Variants in MAP3K9 observed in about 807,000 individuals in gnomAD.
MAP3K9 encodes the protein mitogen-activated protein kinase kinase kinase 9.
Under a neutral mutation model 95.8 loss-of-function variants are expected in MAP3K9, and 46 were observed. The observed-to-expected ratio is 0.48, with a 90% confidence interval of 0.38 to 0.61. The LOEUF (loss-of-function observed/expected upper bound fraction) is 0.61, where lower values mean the gene tolerates loss of function less well. MAP3K9 is among the 20% of genes least tolerant of loss of function. The pLI is 0.00. For missense variants in MAP3K9, 1,296 were observed against 1,474.3 expected (o/e 0.88, Z 1.98); for synonymous variants, 533 against 593.8 (o/e 0.90, Z 1.49).
chr14:70,744,200 G>T (rs549022050), intron 5 of MAP3K9, among the ~76,000 whole-genome samples: 3 of 152,044 alleles, frequency 2.0e-5, no homozygotes, highest in Admixed American at 6.5e-5. Flanking sequence ...CTGTGGGAGT[G>T]GGGGGCTAGG....
intron 2 of MAP3K9, among the ~76,000 whole-genome samples, chr14:70,783,811 G>A (rs1018324353): frequency 6.6e-6 from 1 of 151,896 alleles, no homozygotes; most frequent in Non-Finnish European, 1.5e-5. Context: ...TCACCTCCCA[G>A]ACTACACAGA....
At chr14:70,799,597 C>A (rs1182032323) in intron 2 of MAP3K9, among the ~76,000 whole-genome samples, 2 of 152,196 alleles carry the variant, frequency 1.3e-5, no homozygotes, top group Admixed American at 6.5e-5. Context: ...CCTTGGCCTC[C>A]CAAAGTGCTG....
chr14:70,731,935 G>C (rs1250114810), intron 11 of MAP3K9, among the ~76,000 whole-genome samples: 1 of 152,010 alleles, frequency 6.6e-6, no homozygotes, highest in Non-Finnish European at 1.5e-5. Flanking sequence ...GAAAGAGTGT[G>C]TGTCCCCAGG....
intron 2 of MAP3K9, among the ~76,000 whole-genome samples, chr14:70,787,031 G>C (rs984621959): frequency 6.6e-6 from 1 of 152,106 alleles, no homozygotes; most frequent in Admixed American, 6.5e-5. Flanking sequence ...AGCAGGAGGA[G>C]ATGAGGTATA....
rs1389834144 is a variant in MAP3K9, at chr14:70,800,882, T to C, written c.605A>G (p.Asn202Ser). Residue 202 changes from asparagine (N) to serine (S), a missense_variant, in exon 2 of 12, where the codon AAC (asparagine) becomes AGC (serine). By Grantham distance (46) the Asn-to-Ser change is conservative (BLOSUM62 1). Around this residue, in one of 5 missense-constraint regions of MAP3K9, gnomAD observed 338 missense variants for 363.4 expected, o/e 0.93. Coordinates refer to ENST00000554752, the MANE Select transcript of MAP3K9 (RefSeq NM_001284230.2). ...AKLFAMLKHP[N>S]IIALRGVCLK... ...ACATACCCCTCTTAGGGCAATGATG[T>C]TGGGGTGCTTCAGCATGGCGAAGAG... 1.5e-5 allele frequency: 24 copies of C among 1,614,048 alleles called. No individual in the cohort carries two copies. Among genetic ancestry groups the C allele is most frequent in the Non-Finnish European group, 2.0e-5 (24 of 1,180,038 alleles).
chr14:70,737,076 G>A (rs546858428), intron 8 of MAP3K9, among the ~76,000 whole-genome samples: 20 of 152,266 alleles, frequency 1.3e-4, no homozygotes, highest in Admixed American at 9.2e-4. Context: ...AAAAAATGTG[G>A]AAGGAGACTG....
chr14:70,757,573 T>C (rs374896505), intron 3 of MAP3K9, among the ~76,000 whole-genome samples: 20 of 152,124 alleles, frequency 1.3e-4, no homozygotes, highest in African/African-American at 4.6e-4. Context: ...TAAGATTCAT[T>C]AAATGCAAAG....
chr14:70,763,925 C>G (rs963381623), intron 2 of MAP3K9, among the ~76,000 whole-genome samples: 1 of 151,778 alleles, frequency 6.6e-6, no homozygotes, highest in Non-Finnish European at 1.5e-5. Flanking sequence ...GTGGCTCACG[C>G]CTGTAATCCC....
intron 2 of MAP3K9, among the ~76,000 whole-genome samples, chr14:70,771,546 A>G (rs964082455): frequency 6.6e-6 from 1 of 152,106 alleles, no homozygotes; most frequent in Non-Finnish European, 1.5e-5. Context: ...GAAAGAAAAA[A>G]GCAACAGATG....
chr14:70,765,041 T>C lies in MAP3K9; in HGVS notation c.821-3859A>G, dbSNP rs534632624. Among the ~76,000 whole-genome samples the C allele has an allele frequency of 1.5e-4, 22 of 151,502 alleles. No individual in the cohort carries two copies. The South Asian group carries it at 1.5e-3, about 10-fold the overall frequency. ...TTAATTTATTATTGAAGAAAGAAAATTTTTCAGCTGGGCGCCATGGCTCAG... is the reference window on the plus strand; with the variant it reads ...TTAATTTATTATTGAAGAAAGAAAACTTTTCAGCTGGGCGCCATGGCTCAG... On this transcript the variant is annotated intron_variant, in intron 2 of 11. Coordinates refer to ENST00000554752, the MANE Select transcript of MAP3K9 (RefSeq NM_001284230.2).
chr14:70,757,834 T>A (rs533272305), intron 3 of MAP3K9, among the ~76,000 whole-genome samples: 8 of 152,254 alleles, frequency 5.3e-5, no homozygotes, highest in African/African-American at 1.9e-4. Flanking sequence ...GGGGCCAGGA[T>A]AACTGAATAG....
At position 70,779,115 on chromosome 14, in the gene MAP3K9, C is replaced by T. The variant is rs117583084; in HGVS notation, c.821-17933G>A. Among the ~76,000 whole-genome samples the T allele has an allele frequency of 2.3e-4, 35 of 152,328 alleles. No individual in the cohort carries two copies. The East Asian group carries it at 6.4e-3, about 28-fold the overall frequency. On this transcript the variant is annotated intron_variant, in intron 2 of 11. Coordinates refer to ENST00000554752, the MANE Select transcript of MAP3K9 (RefSeq NM_001284230.2). ...CCTTGACATATCTAAGAAATAGTCCCTTGTAGCTGGAGCAGAACTTTCATG... is the reference window on the plus strand; with the variant it reads ...CCTTGACATATCTAAGAAATAGTCCTTTGTAGCTGGAGCAGAACTTTCATG...
intron 2 of MAP3K9, among the ~76,000 whole-genome samples, chr14:70,768,590 T>G (rs1445790274): frequency 1.3e-5 from 2 of 152,164 alleles, no homozygotes; most frequent in African/African-American, 4.8e-5. Flanking sequence ...GATTCAATGT[T>G]GCTTAATGCA....
At position 70,740,569 on chromosome 14, in the gene MAP3K9, A is replaced by G. The variant is rs535179035; in HGVS notation, c.1568-405T>C. Among the ~76,000 whole-genome samples, 14 of 152,360 alleles carry G rather than the reference A, an allele frequency of 9.2e-5. No individual in the cohort carries two copies. In the East Asian group the frequency reaches 2.7e-3, roughly 29 times the overall value. On this transcript the variant is annotated intron_variant, in intron 6 of 11. Transcript: ENST00000554752. Reference sequence around the variant, plus strand: ...GTCCTCTTTTCTCAGGGACTGAAGCAGGGACACTGATTCTTCTCACTAAGT... The same window carrying G: ...GTCCTCTTTTCTCAGGGACTGAAGCGGGGACACTGATTCTTCTCACTAAGT...
At chr14:70,790,333 C>T (rs1393573372) in intron 2 of MAP3K9, among the ~76,000 whole-genome samples, 2 of 152,202 alleles carry the variant, frequency 1.3e-5, no homozygotes, top group South Asian at 2.1e-4. Context: ...GCAGACAAAC[C>T]GTGTAGTCAC....
chr14:70,786,926 G>T (rs903607493), intron 2 of MAP3K9, among the ~76,000 whole-genome samples: 3 of 151,848 alleles, frequency 2.0e-5, no homozygotes, highest in Non-Finnish European at 2.9e-5. Context: ...ACTGATTAAG[G>T]CATCCTCCTT....
intron 5 of MAP3K9, among the ~76,000 whole-genome samples, chr14:70,745,455 A>C (rs117717096): frequency 0.016 from 2,385 of 152,244 alleles, 32 homozygotes; most frequent in Non-Finnish European, 0.024. Flanking sequence ...TGATAGAAAG[A>C]AGGCCGGCAT....
At chr14:70,740,938 C>G (rs1272345729) in intron 6 of MAP3K9, among the ~76,000 whole-genome samples, 1 of 152,162 alleles carries the variant, frequency 6.6e-6, no homozygotes, top group Non-Finnish European at 1.5e-5. Context: ...AAAGGAAAAA[C>G]AAATGTGCAG....
Position 70,809,113 on chromosome 14 carries a change from G to T in MAP3K9, c.59C>A (p.Pro20Gln). The change falls in exon 1 of 12, where the codon CCG becomes CAG. Residue 20 changes from proline to glutamine, a missense_variant. Physicochemically the swap from Pro to Gln is moderately conservative, Grantham distance 76. Coordinates refer to ENST00000554752, the MANE Select transcript of MAP3K9 (RefSeq NM_001284230.2). ...CCCGGCCCCTGCTCCATCCTCCCCC[G>T]GCGGGGCGGCAGCGGCGGCGCTCGC... The part of the protein sequence containing the change: ...CLASAAAAAP[P>Q]GEDGAGAGAE... 7.2e-7 allele frequency: 1 copy of T among 1,381,682 alleles called. No homozygotes were observed. The highest frequency in any genetic ancestry group is 9.3e-7 in the Non-Finnish European group (1 of 1,076,954). The allele number at this position is 1,381,682 out of a possible 1,614,324, so 85.6% of individuals were successfully genotyped here.
Sources: allele counts gnomAD v4.1 joint callset (sites outside exome capture counted in the v4.1 genomes callset), GRCh38; gene constraint gnomAD v4.1.1; regional missense constraint gnomAD v4.1.1; transcripts MANE v1.5; gene names NCBI Gene and HGNC (gene_info 2026-07-23, HGNC 2026-07-21).